HARS1: variants seen among roughly 807,000 people sequenced by gnomAD.
HARS1 encodes the protein histidyl-tRNA synthetase 1.
HARS1 carries 45 observed loss-of-function variants against 63.6 expected under a neutral mutation model. That is an observed-to-expected ratio of 0.71 (90% CI 0.56 to 0.91). The LOEUF is 0.91. HARS1 is among the 40% of genes least tolerant of loss of function. The pLI is 0.00. For synonymous variants in HARS1, 205 were observed against 247.1 expected, an observed-to-expected ratio of 0.83 and a Z score of 1.60; for missense variants, 508 against 643.2, an observed-to-expected ratio of 0.79 and a Z score of 2.27.
chr5:140,680,173 A>T (rs1476794447), intron 3 of HARS1, among the ~76,000 whole-genome samples: 1 of 148,724 alleles, frequency 6.7e-6, no homozygotes, highest in African/African-American at 2.5e-5. Flanking sequence ...TTTGAAATGG[A>T]GTCTCGCTCT....
intron 10 of HARS1, chr5:140,675,728 C>T (rs989131719): frequency 3.9e-5 from 6 of 152,132 alleles, no homozygotes; most frequent in Admixed American, 1.3e-4. Flanking sequence ...TACTATCTAC[C>T]CATTTATGAC....
At chr5:140,677,257 C>T in intron 8 of HARS1, 70 bp downstream of exon 8, 1 of 1,409,574 alleles carries the variant, frequency 7.1e-7, no homozygotes, top group South Asian at 1.1e-5. Flanking sequence ...ATACATAACA[C>T]AGAACAGTTT....
intron 2 of HARS1, among the ~76,000 whole-genome samples, chr5:140,688,999 T>C (rs1347972295): frequency 6.6e-6 from 1 of 152,252 alleles, no homozygotes; most frequent in African/African-American, 2.4e-5. Flanking sequence ...TGATCACTAG[T>C]GAGGACAGAC....
rs1366581698 is a variant in HARS1 at position 140,674,308 on chromosome 5, G to A, written c.1479C>T (p.Asp493=). 2 of 1,611,728 alleles carry A rather than the reference G, an allele frequency of 1.2e-6. No homozygotes were observed. The highest frequency in any genetic ancestry group is 1.1e-5 in the South Asian group (1 of 91,034). ...SREEVDVRRE[D]LVEEIKRRTG... is the part of the protein sequence containing the mutation. ...TTCTCCTTTTGATTTCCTCCACAAG[G>A]TCTTCTCTTCGGACATCCACCTGGC... The change falls in exon 13 of 13, where the codon GAC becomes GAT. Residue 493 remains aspartate (D), a synonymous_variant. Transcript: ENST00000504156.
chr5:140,677,788 T>A, intron 6 of HARS1, 35 bp from the exon 7 acceptor site: 186 of 1,380,476 alleles, frequency 1.3e-4, no homozygotes, highest in Non-Finnish European at 1.7e-4. Context: ...GGGGGGAATC[T>A]CTTTTCTTAC....
At chr5:140,688,099 G>A (rs1286769223) in intron 2 of HARS1, among the ~76,000 whole-genome samples, 2 of 148,780 alleles carry the variant, frequency 1.3e-5, no homozygotes, top group African/African-American at 5.0e-5. Flanking sequence ...GCAAGACTCC[G>A]TCTCAAACAA....
At chr5:140,682,161 T>C (rs1758765310) in intron 3 of HARS1, among the ~76,000 whole-genome samples, 1 of 152,120 alleles carries the variant, frequency 6.6e-6, no homozygotes, top group Non-Finnish European at 1.5e-5. Context: ...GGAGGACCAC[T>C]TGAGGCCAGG....
chr5:140,677,670 T>C lies in HARS1; in HGVS notation c.714A>G (p.Val238=), dbSNP rs1131037. 1 of 1,608,186 alleles carries C rather than the reference T, an allele frequency of 6.2e-7. No homozygotes were observed. The highest frequency in any genetic ancestry group is 1.7e-4 in the Middle Eastern group (1 of 6,060). ...GGGTTGTTACCTTGTCCAGCTTGTCTACTGAGGAGCAGATGGTACGGAACT... is the reference window on the plus strand; with the variant it reads ...GGGTTGTTACCTTGTCCAGCTTGTCCACTGAGGAGCAGATGGTACGGAACT... ...DSKFRTICSS[V]DKLDKVSWEE... is the part of the protein sequence containing the mutation. Residue 238 remains valine (V), a synonymous_variant, in exon 7 of 13, where the codon GTA becomes GTG. Transcript: ENST00000504156.
chr5:140,675,408 CTTTTT>C (rs532733339), intron 10 of HARS1: 14 of 220,486 alleles, frequency 6.3e-5, no homozygotes, highest in Non-Finnish European at 1.1e-4. Flanking sequence ...CATGTAGTAC[CTTTTT>C]TTTTTTTTTG....
At chr5:140,683,528 C>T in intron 2 of HARS1, 1 of 1,104,636 alleles carries the variant, frequency 9.1e-7, no homozygotes, top group Non-Finnish European at 1.1e-6. Context: ...ATTTCCTGGC[C>T]TAATAACAAA....
chr5:140,678,080 GC>G (rs1167604323), intron 5 of HARS1, 65 bp from the exon 6 acceptor site: 1 of 851,080 alleles, frequency 1.2e-6, no homozygotes, highest in Admixed American at 1.9e-5. Flanking sequence ...GACTCTGGGA[GC>G]TCTGTCCTCT....
intron 12 of HARS1, 28 bp downstream of exon 12, chr5:140,674,651 C>T: frequency 6.2e-7 from 1 of 1,613,700 alleles, no homozygotes; most frequent in Non-Finnish European, 8.5e-7. Flanking sequence ...ATTCTCTGTC[C>T]CTTAGCCTTC....
chr5:140,687,192 A>G (rs1251661191), intron 2 of HARS1, among the ~76,000 whole-genome samples: 1 of 152,146 alleles, frequency 6.6e-6, no homozygotes, highest in Admixed American at 6.6e-5. Flanking sequence ...GTCATAGCAA[A>G]TATTTAAAAA....
intron 3 of HARS1, among the ~76,000 whole-genome samples, chr5:140,681,402 T>A (rs949253842): frequency 4.6e-5 from 7 of 152,042 alleles, no homozygotes; most frequent in Admixed American, 2.0e-4. Context: ...CGGTGGCTCA[T>A]GCCTGTAATT....
intron 2 of HARS1, among the ~76,000 whole-genome samples, chr5:140,688,757 A>G (rs1398320573): frequency 6.6e-6 from 1 of 152,006 alleles, no homozygotes; most frequent in East Asian, 1.9e-4. Context: ...ATTTGTCCTA[A>G]AAAAAAATTT....
chr5:140,677,659 T>C lies in HARS1; in HGVS notation c.725A>G (p.Asp242Gly). ...RTICSSVDKL[D>G]KVSWEEVKNE... ...GTCAAGTACTTGGGTTGTTACCTTG[T>C]CCAGCTTGTCTACTGAGGAGCAGAT... Residue 242 changes from aspartate to glycine, a missense_variant, in exon 7 of 13, where the codon GAC becomes GGC. Physicochemically the swap from Asp to Gly is moderately conservative, Grantham distance 94. Transcript: ENST00000504156. 1 of 1,601,896 alleles carries C rather than the reference T, an allele frequency of 6.2e-7. No individual in the cohort carries two copies. Among genetic ancestry groups the C allele is most frequent in the Non-Finnish European group, 8.6e-7 (1 of 1,169,536 alleles).
chr5:140,688,334 C>T (rs1004866314), intron 2 of HARS1, among the ~76,000 whole-genome samples: 1 of 152,170 alleles, frequency 6.6e-6, no homozygotes, highest in African/African-American at 2.4e-5. Flanking sequence ...TTATCCATTA[C>T]CCAGCTTCAA....
rs763583109 is a variant in HARS1, at chr5:140,674,213, A to C, written c.*44T>G. 8.9e-6 allele frequency: 11 copies of C among 1,234,346 alleles called. No individual in the cohort carries two copies. Among genetic ancestry groups the C allele is most frequent in the Middle Eastern group, 1.9e-4 (1 of 5,350 alleles). The allele number at this position is 1,234,346 out of a possible 1,614,324, so 76.5% of individuals were successfully genotyped here. On this transcript the variant is annotated 3_prime_UTR_variant, in exon 13 of 13. Coordinates refer to ENST00000504156, the MANE Select transcript of HARS1 (RefSeq NM_002109.6). ...ACATATGCAGTTTGTCTTAACCTCA[A>C]ATAGTGCCAGTCCCACTTCCTTTCC...
In HARS1 at chr5:140,676,480, T is replaced by G; in HGVS notation, c.1194+174A>C. The G allele has an allele frequency of 2.8e-6, 2 of 711,638 alleles. No individual in the cohort carries two copies. The highest frequency in any genetic ancestry group is 4.8e-6 in the Non-Finnish European group (2 of 416,742). The allele number at this position is 711,638 out of a possible 1,614,324, so 44.1% of individuals were successfully genotyped here. On this transcript the variant is annotated intron_variant, in intron 10 of 12. Transcript: ENST00000504156. This position sits in a 1 kb window ranked among gnomAD's most constrained non-coding sequence, Gnocchi z 4.1. ...GTGCAGAAAGATTATGGATTAAAGATCCATAAAACTTACATATAATGGGGT... is the reference window on the plus strand; with the variant it reads ...GTGCAGAAAGATTATGGATTAAAGAGCCATAAAACTTACATATAATGGGGT...
Sources: allele counts gnomAD v4.1 joint callset (sites outside exome capture counted in the v4.1 genomes callset), GRCh38; gene constraint gnomAD v4.1.1; non-coding constraint Gnocchi (gnomAD v3.1); transcripts MANE v1.5; gene names NCBI Gene and HGNC (gene_info 2026-07-23, HGNC 2026-07-21).